The following IL1RAPL2 variants were observed in gnomAD, a reference collection of about 807,000 sequenced individuals.
The protein encoded by IL1RAPL2 is interleukin 1 receptor accessory protein like 2.
A neutral mutation model predicts 44.1 loss-of-function variants in IL1RAPL2; 3 were observed. That is an observed-to-expected ratio of 0.07 (90% CI 0.03 to 0.18). The LOEUF (loss-of-function observed/expected upper bound fraction) is 0.18, where lower values mean the gene tolerates loss of function less well. Ranked by LOEUF, IL1RAPL2 falls within the 10% of genes least tolerant of loss-of-function variation. The pLI, the probability that IL1RAPL2 is intolerant of heterozygous loss-of-function variation, is 1.00. For missense variants in IL1RAPL2, 391 were observed against 496.4 expected (o/e 0.79, Z 2.02); for synonymous variants, 181 against 178.8 (o/e 1.01, Z -0.10).
At chrX:105,291,650 T>C (rs1603050065) in intron 5 of IL1RAPL2, among the ~76,000 whole-genome samples, 1 of 111,645 alleles carries the variant, frequency 9.0e-6, no homozygotes, top group East Asian at 2.8e-4. Flanking sequence ...ATCTCCTTTC[T>C]GCCTCCAACT....
intron 4 of IL1RAPL2, among the ~76,000 whole-genome samples, chrX:105,256,380 G>A (rs1268605426): frequency 2.8e-5 from 3 of 107,392 alleles, no homozygotes; most frequent in Non-Finnish European, 5.8e-5. Flanking sequence ...CCAGGCTGGA[G>A]AGCAATGGTG....
chrX:104,912,158 CTTTGTTTTGT>C (rs761208158), intron 2 of IL1RAPL2, among the ~76,000 whole-genome samples: 1,118 of 103,068 alleles, frequency 0.011, 15 homozygotes, highest in Non-Finnish European at 0.015. Flanking sequence ...TCTTTTTTTC[CTTTGTTTTGT>C]TTTGTTTTGT....
At chrX:104,677,102 A>G (rs906145350) in intron 2 of IL1RAPL2, among the ~76,000 whole-genome samples, 1 of 112,135 alleles carries the variant, frequency 8.9e-6, no homozygotes, top group African/African-American at 3.2e-5. Context: ...CAGCTCGTCA[A>G]AGTCATTCTC....
chrX:104,802,889 C>T (rs933934162), intron 2 of IL1RAPL2, among the ~76,000 whole-genome samples: 29 of 110,956 alleles, frequency 2.6e-4, no homozygotes, highest in African/African-American at 4.9e-4. Flanking sequence ...AATTCTGCCA[C>T]GTAAAACATG....
At chrX:105,599,117 G>A (rs2037232688) in intron 6 of IL1RAPL2, among the ~76,000 whole-genome samples, 1 of 112,157 alleles carries the variant, frequency 8.9e-6, no homozygotes, top group Non-Finnish European at 1.9e-5. Context: ...TATGGGTCAA[G>A]CCACTTATGT....
At chrX:104,762,426 C>T (rs925269901) in intron 2 of IL1RAPL2, among the ~76,000 whole-genome samples, 4 of 112,123 alleles carry the variant, frequency 3.6e-5, no homozygotes, top group Admixed American at 1.9e-4. Context: ...AGGGTACAGC[C>T]CCTCTCCTGG....
intron 2 of IL1RAPL2, among the ~76,000 whole-genome samples, chrX:104,895,398 G>A (rs969555843): frequency 8.9e-6 from 1 of 112,719 alleles, no homozygotes; most frequent in African/African-American, 3.2e-5. Context: ...GTCTACAGAG[G>A]CAGGCAGGAC....
intron 6 of IL1RAPL2, among the ~76,000 whole-genome samples, chrX:105,559,090 T>C (rs1310829386): frequency 8.9e-6 from 1 of 111,957 alleles, no homozygotes; most frequent in Non-Finnish European, 1.9e-5. Context: ...ATTTTTATCA[T>C]GTTACTGAGA....
At chrX:105,326,157 A>G (rs2034936651) in intron 5 of IL1RAPL2, among the ~76,000 whole-genome samples, 1 of 111,141 alleles carries the variant, frequency 9.0e-6, no homozygotes, top group African/African-American at 3.3e-5. Flanking sequence ...GGCTCAAACA[A>G]TTCTCCCACC....
chrX:104,974,225 C>T (rs2030291236), intron 2 of IL1RAPL2, among the ~76,000 whole-genome samples: 1 of 111,847 alleles, frequency 8.9e-6, no homozygotes, highest in African/African-American at 3.2e-5. Context: ...GTTTAGACCA[C>T]CTCCAAGAAC....
chrX:105,676,785 A>T (rs1262788314), intron 6 of IL1RAPL2, among the ~76,000 whole-genome samples: 1 of 112,224 alleles, frequency 8.9e-6, no homozygotes, highest in Non-Finnish European at 1.9e-5. Flanking sequence ...CTGAATGTGT[A>T]ACTACATGAC....
chrX:105,010,062 G>C (rs2031023032), intron 2 of IL1RAPL2, among the ~76,000 whole-genome samples: 1 of 110,805 alleles, frequency 9.0e-6, no homozygotes, highest in African/African-American at 3.3e-5. Context: ...AATGATTTTT[G>C]TCATCTTTTA....
intron 2 of IL1RAPL2, among the ~76,000 whole-genome samples, chrX:105,059,911 A>G (rs376970134): frequency 8.9e-6 from 1 of 112,211 alleles, no homozygotes; most frequent in African/African-American, 3.2e-5. Context: ...GCTGCAATAA[A>G]CGTGGGAATG....
intron 1 of IL1RAPL2, among the ~76,000 whole-genome samples, chrX:104,649,574 ACTGT>A (rs1930113858): frequency 8.9e-6 from 1 of 111,900 alleles, no homozygotes; most frequent in Admixed American, 9.5e-5. Flanking sequence ...TGACTAAAGA[ACTGT>A]CTTTCTCTGT....
At chrX:104,656,043 A>G (rs1930250669) in intron 1 of IL1RAPL2, among the ~76,000 whole-genome samples, 1 of 110,349 alleles carries the variant, frequency 9.1e-6, no homozygotes, top group African/African-American at 3.3e-5. Context: ...TTTTTATTGC[A>G]TCTATTTGAT....
intron 2 of IL1RAPL2, among the ~76,000 whole-genome samples, chrX:105,074,052 C>A (rs1261725643): frequency 9.0e-6 from 1 of 111,412 alleles, no homozygotes; most frequent in Non-Finnish European, 1.9e-5. Flanking sequence ...TTAATTAGAT[C>A]CCATTTGTCA....
chrX:104,635,467 C>G (rs888904073), intron 1 of IL1RAPL2, among the ~76,000 whole-genome samples: 8 of 111,975 alleles, frequency 7.1e-5, no homozygotes, highest in Non-Finnish European at 1.1e-4. Flanking sequence ...CTCCCTGTCA[C>G]TTTCAGGTAC....
intron 2 of IL1RAPL2, among the ~76,000 whole-genome samples, chrX:105,013,512 T>C (rs1201878208): frequency 3.6e-5 from 4 of 110,147 alleles, no homozygotes; most frequent in Admixed American, 9.7e-5. Flanking sequence ...AGAGGTATAA[T>C]GTCACCAGGA....
chrX:105,021,553 C>T (rs2031282312), intron 2 of IL1RAPL2, among the ~76,000 whole-genome samples: 1 of 111,387 alleles, frequency 9.0e-6, no homozygotes, highest in Non-Finnish European at 1.9e-5. Context: ...CCAGCCAGCA[C>T]TGACAACATC....
Sources: gnomAD v4.1 joint callset for allele counts (sites outside exome capture counted in the v4.1 genomes callset) on GRCh38, gnomAD v4.1.1 for gene constraint, MANE v1.5 for transcripts, NCBI Gene and HGNC (gene_info 2026-07-23, HGNC 2026-07-21) for gene names.